MET: variants seen among roughly 807,000 people sequenced by gnomAD.
MET encodes hepatocyte growth factor receptor.
In MET, 48 loss-of-function variants were observed where a neutral mutation model predicts 133.1. That is an observed-to-expected ratio of 0.36 (90% CI 0.29 to 0.46). The LOEUF (loss-of-function observed/expected upper bound fraction) is 0.46. Among genes scored for constraint, MET ranks in the 20% least tolerant of loss-of-function variants. MET has a pLI of 1.00. For synonymous variants in MET, 628 were observed against 616.5 expected (o/e 1.02, Z -0.28); for missense variants, 1,442 against 1,695.9 (o/e 0.85, Z 2.63).
intron 6 of MET, among the ~76,000 whole-genome samples, chr7:116,755,821 G>C (rs572971674): frequency 1.3e-5 from 2 of 152,122 alleles, no homozygotes; most frequent in Non-Finnish European, 2.9e-5. Context: ...GCACTAGTTG[G>C]GATCACTTCA....
intron 2 of MET, among the ~76,000 whole-genome samples, chr7:116,728,038 A>G (rs1792859335): frequency 6.6e-6 from 1 of 152,200 alleles, no homozygotes; most frequent in Non-Finnish European, 1.5e-5. Context: ...GATTCTCCAT[A>G]GGAAGACACA....
rs953588907 is a variant in MET, at chr7:116,758,452, T to C, written c.2103-7T>C. 1 of 1,613,266 alleles carries C rather than the reference T, an allele frequency of 6.2e-7. No homozygotes were observed. The highest frequency in any genetic ancestry group is 8.5e-7 in the Non-Finnish European group (1 of 1,179,380). Reference sequence around the variant, plus strand: ...TAAAATTCACTTCCTTAATTTTTTTTGTTCAGTGTGTCAAACAGTATTCTT... The same window carrying C: ...TAAAATTCACTTCCTTAATTTTTTTCGTTCAGTGTGTCAAACAGTATTCTT... On this transcript the variant is annotated splice_polypyrimidine_tract_variant and splice_region_variant and intron_variant, in intron 8 of 20. Coordinates refer to ENST00000397752, the MANE Select transcript of MET (RefSeq NM_000245.4).
At chr7:116,791,456 C>G (rs1475417421) in intron 19 of MET, among the ~76,000 whole-genome samples, 2 of 152,054 alleles carry the variant, frequency 1.3e-5, no homozygotes, top group African/African-American at 4.8e-5. Flanking sequence ...CTAGTGATGT[C>G]GAGCCTCTTT....
chr7:116,682,640 A>G (rs75808049), intron 1 of MET, among the ~76,000 whole-genome samples: 19 of 152,362 alleles, frequency 1.2e-4, no homozygotes, highest in Non-Finnish European at 2.4e-4. Context: ...AAGACGTTCA[A>G]TGAGAATGGA....
chr7:116,721,599 C>T (rs1425054192), intron 2 of MET, among the ~76,000 whole-genome samples: 1 of 152,090 alleles, frequency 6.6e-6, no homozygotes, highest in Non-Finnish European at 1.5e-5. Context: ...TTGGAACTTT[C>T]CTGCTTTCTC....
chr7:116,680,862 A>G (rs546851434), intron 1 of MET, among the ~76,000 whole-genome samples: 1 of 152,084 alleles, frequency 6.6e-6, no homozygotes, highest in Non-Finnish European at 1.5e-5. Flanking sequence ...GGATCACCTG[A>G]GCCTGGGAGG....
At chr7:116,790,972 G>A (rs2117091082) in intron 19 of MET, among the ~76,000 whole-genome samples, 1 of 152,274 alleles carries the variant, frequency 6.6e-6, no homozygotes, top group East Asian at 1.9e-4. Flanking sequence ...CAACTATTCA[G>A]GAGGCTGCGG....
In MET at chr7:116,715,005, T is replaced by C. The variant is rs189814561; in HGVS notation, c.1200+14721T>C. On this transcript the variant is annotated intron_variant, in intron 2 of 20. Transcript: ENST00000397752. ...TACAGATGATGAAATTGAGGCTCAT[T>C]GATCTAAACAATTGGATTTTGTCTT... Among the ~76,000 whole-genome samples the C allele has an allele frequency of 2.6e-5, 4 of 152,320 alleles. No homozygotes were observed. The East Asian group carries it at 7.7e-4, about 29-fold the overall frequency.
In MET at chr7:116,796,038, G is replaced by A. The variant is rs45578433; in HGVS notation, c.4087G>A (p.Ala1363Thr). ...TACTTATGTGAACGTAAAATGTGTCGCTCCGTATCCTTCTCTGTTGTCATC... is the reference window on the plus strand; with the variant it reads ...TACTTATGTGAACGTAAAATGTGTCACTCCGTATCCTTCTCTGTTGTCATC... ...NATYVNVKCV[A>T]PYPSLLSSED... The change falls in exon 21 of 21, where the codon GCT becomes ACT. Residue 1363 changes from alanine (A) to threonine (T), a missense_variant. Coordinates refer to ENST00000397752, the MANE Select transcript of MET (RefSeq NM_000245.4). The A allele has an allele frequency of 1.7e-4, 282 of 1,613,924 alleles. 1 individual carries two copies. In the East Asian group the frequency reaches 4.0e-3, roughly 23 times the overall value.
At chr7:116,707,132 C>T (rs1791827325) in intron 2 of MET, among the ~76,000 whole-genome samples, 1 of 151,888 alleles carries the variant, frequency 6.6e-6, no homozygotes, top group Non-Finnish European at 1.5e-5. Context: ...AGTGTAGCTA[C>T]CCATATATAC....
chr7:116,769,799 T>C lies in MET; in HGVS notation c.2730+8T>C. 6.2e-7 allele frequency: 1 copy of C among 1,613,658 alleles called. No individual in the cohort carries two copies. The highest frequency in any genetic ancestry group is 8.5e-7 in the Non-Finnish European group (1 of 1,179,684). On this transcript the variant is annotated splice_region_variant and intron_variant, in intron 12 of 20. Coordinates refer to ENST00000397752, the MANE Select transcript of MET (RefSeq NM_000245.4). ...AGCGAGCTAAATATAGAGGTGGGATTCCTGCATTCCTCTCATGATGTAAAT... is the reference window on the plus strand; with the variant it reads ...AGCGAGCTAAATATAGAGGTGGGATCCCTGCATTCCTCTCATGATGTAAAT...
chr7:116,744,979 A>G (rs1793611340), intron 5 of MET, among the ~76,000 whole-genome samples: 1 of 152,216 alleles, frequency 6.6e-6, no homozygotes, highest in African/African-American at 2.4e-5. Flanking sequence ...GGAAAAGAGG[A>G]AGTCAAATTG....
intron 12 of MET, among the ~76,000 whole-genome samples, chr7:116,770,448 A>G (rs1794795520): frequency 6.6e-6 from 1 of 152,102 alleles, no homozygotes; most frequent in Non-Finnish European, 1.5e-5. Flanking sequence ...CATTTTGACC[A>G]TTTTTAAATG....
chr7:116,736,676 C>T (rs182237211), intron 3 of MET, among the ~76,000 whole-genome samples: 4 of 152,268 alleles, frequency 2.6e-5, no homozygotes, highest in East Asian at 3.9e-4. Flanking sequence ...AAAACCACAA[C>T]CATTTGGTAA....
rs150341442 is a variant in MET at position 116,766,182 on chromosome 7, G to T, written c.2583+2914G>T. ...CTTTTTATGCATGAGCATATCTTAT[G>T]AAAAGTAGAAAAGTATTCTGTTTCA... On this transcript the variant is annotated intron_variant, in intron 11 of 20. Coordinates refer to ENST00000397752, the MANE Select transcript of MET (RefSeq NM_000245.4). Among the ~76,000 whole-genome samples, 223 of 152,294 alleles carry T rather than the reference G, an allele frequency of 1.5e-3. 4 individuals are homozygous for T. The East Asian group carries it at 0.04, about 27-fold the overall frequency.
At chr7:116,746,295 G>C (rs1371095616) in intron 5 of MET, among the ~76,000 whole-genome samples, 3 of 152,218 alleles carry the variant, frequency 2.0e-5, no homozygotes, top group Non-Finnish European at 4.4e-5. Context: ...TGCTGGAGAG[G>C]ATGTGGAGAA....
In MET at chr7:116,762,938, A is replaced by AT. The variant is rs1024249903; in HGVS notation, c.2365-106dup. 1.1e-5 allele frequency: 10 copies of AT among 937,976 alleles called. No homozygotes were observed. In the Admixed American group the frequency reaches 1.6e-4, roughly 15 times the overall value. The allele number at this position is 937,976 out of a possible 1,614,324, so 58.1% of individuals were successfully genotyped here. ...TCTAACATTAGGAAGTTAAATACAGATTTTTTCAAAAATTATATATTTTCA... is the reference window on the plus strand; with the variant it reads ...TCTAACATTAGGAAGTTAAATACAGATTTTTTTCAAAAATTATATATTTTCA... On this transcript the variant is annotated intron_variant, in intron 10 of 20. Coordinates refer to ENST00000397752, the MANE Select transcript of MET (RefSeq NM_000245.4).
rs1030102539 is a variant in MET, at chr7:116,703,366, C to A, written c.1200+3082C>A. ...AATAATTACTAAATCTGTTTAATAT[C>A]TTTACCTCCTCCTTTACCCATTCAT... On this transcript the variant is annotated intron_variant, in intron 2 of 20. Transcript: ENST00000397752. Among the ~76,000 whole-genome samples, 3 of 152,188 alleles carry A rather than the reference C, an allele frequency of 2.0e-5. No homozygotes were observed. The South Asian group carries it at 6.2e-4, about 32-fold the overall frequency.
intron 1 of MET, among the ~76,000 whole-genome samples, chr7:116,681,947 A>T (rs959323092): frequency 1.3e-5 from 2 of 152,220 alleles, no homozygotes; most frequent in Non-Finnish European, 2.9e-5. Context: ...ACAAAAAAAA[A>T]AACTTCCTCC....
Sources: allele counts gnomAD v4.1 joint callset (sites outside exome capture counted in the v4.1 genomes callset), GRCh38; gene constraint gnomAD v4.1.1; transcripts MANE v1.5; gene names NCBI Gene and HGNC (gene_info 2026-07-23, HGNC 2026-07-21).